JARID2: variants seen among roughly 807,000 people sequenced by gnomAD.
JARID2 encodes the protein protein Jumonji.
A neutral mutation model predicts 125.6 loss-of-function variants in JARID2; 21 were observed. That is an observed-to-expected ratio of 0.17 (90% CI 0.12 to 0.24). The LOEUF is 0.24. JARID2 is among the 10% of genes least tolerant of loss of function. The probability of loss-of-function intolerance (pLI) is 1.00; values close to 1 mark genes in which losing one functional copy is unlikely to be tolerated. For missense variants in JARID2, 1,303 were observed against 1,639.6 expected (o/e 0.79, Z 3.55); for synonymous variants, 736 against 661.6 (o/e 1.11, Z -1.73).
At position 15,511,286 on chromosome 6, in the gene JARID2, A is replaced by T. The variant is rs746857106; in HGVS notation, c.2847-10A>T. 24 of 1,596,636 alleles carry T rather than the reference A, an allele frequency of 1.5e-5. No individual in the cohort carries two copies. Among genetic ancestry groups the T allele is most frequent in the African/African-American group, 1.3e-5 (1 of 74,520 alleles). On this transcript the variant is annotated splice_polypyrimidine_tract_variant and intron_variant, in intron 12 of 17. Transcript: ENST00000341776. ...TCTCTGCTTGTCTCTTGTGTCTCTC[A>T]ATGACCCAGGTATTGCATTCCTGCT...
intron 3 of JARID2, among the ~76,000 whole-genome samples, chr6:15,419,139 A>G (rs1766371331): frequency 6.6e-6 from 1 of 152,236 alleles, no homozygotes; most frequent in Non-Finnish European, 1.5e-5. Flanking sequence ...AAGCAAAACA[A>G]TCAGCAAAAG....
At chr6:15,351,805 T>A (rs1311157358) in intron 1 of JARID2, among the ~76,000 whole-genome samples, 1 of 152,140 alleles carries the variant, frequency 6.6e-6, no homozygotes, top group African/African-American at 2.4e-5. Flanking sequence ...TGTAGCTGCT[T>A]CCCTTGGCAG....
intron 5 of JARID2, among the ~76,000 whole-genome samples, chr6:15,471,783 T>C (rs1769089034): frequency 6.6e-6 from 1 of 152,066 alleles, no homozygotes; most frequent in South Asian, 2.1e-4. Context: ...ATGGAGCATA[T>C]GAAAGAAGGG....
chr6:15,287,023 G>C (rs553837282), intron 1 of JARID2, among the ~76,000 whole-genome samples: 4 of 152,230 alleles, frequency 2.6e-5, no homozygotes, highest in African/African-American at 9.6e-5. Flanking sequence ...GCTGAGGCAG[G>C]ATAATCTTGA....
At chr6:15,518,315 C>T (rs1430246751) in intron 17 of JARID2, among the ~76,000 whole-genome samples, 6 of 152,272 alleles carry the variant, frequency 3.9e-5, no homozygotes, top group East Asian at 1.9e-4. Flanking sequence ...TTTCTGTAGT[C>T]GGATGTGTGA....
intron 5 of JARID2, among the ~76,000 whole-genome samples, chr6:15,470,819 C>T (rs577576355): frequency 5.9e-5 from 9 of 152,266 alleles, no homozygotes; most frequent in African/African-American, 2.2e-4. Context: ...GCAAACAGAG[C>T]GATGCGGAAT....
At chr6:15,357,495 G>A (rs902408771) in intron 1 of JARID2, among the ~76,000 whole-genome samples, 4 of 152,066 alleles carry the variant, frequency 2.6e-5, no homozygotes, top group Non-Finnish European at 4.4e-5. Flanking sequence ...TCTAGTGTGG[G>A]TCTAGATGGA....
intron 8 of JARID2, among the ~76,000 whole-genome samples, chr6:15,502,428 C>T (rs1476685459): frequency 6.6e-6 from 1 of 152,220 alleles, no homozygotes; most frequent in African/African-American, 2.4e-5. Context: ...GTTCTCTGCT[C>T]CAGCCCTCGT....
At chr6:15,381,223 G>GT (rs1050351366) in intron 2 of JARID2, among the ~76,000 whole-genome samples, 3 of 151,420 alleles carry the variant, frequency 2.0e-5, no homozygotes, top group African/African-American at 7.3e-5. Context: ...GCCGGGCGTG[G>GT]TGGCGGGTGC....
At position 15,511,284 on chromosome 6, in the gene JARID2, T is replaced by A. The variant is rs1168030260; in HGVS notation, c.2847-12T>A. 6.3e-7 allele frequency: 1 copy of A among 1,592,922 alleles called. No homozygotes were observed. The highest frequency in any genetic ancestry group is 2.2e-5 in the East Asian group (1 of 44,790). On this transcript the variant is annotated splice_polypyrimidine_tract_variant and intron_variant, in intron 12 of 17. Coordinates refer to ENST00000341776, the MANE Select transcript of JARID2 (RefSeq NM_004973.4). The stretch of plus-strand genomic sequence containing the variant: ...AGTCTCTGCTTGTCTCTTGTGTCTC[T>A]CAATGACCCAGGTATTGCATTCCTG...
At chr6:15,480,445 T>C (rs1172312673) in intron 5 of JARID2, among the ~76,000 whole-genome samples, 1 of 152,170 alleles carries the variant, frequency 6.6e-6, no homozygotes. Context: ...CATCTAATAA[T>C]CTAATAATAC....
chr6:15,469,075 G>A (rs1321865662), intron 5 of JARID2, among the ~76,000 whole-genome samples: 1 of 151,868 alleles, frequency 6.6e-6, no homozygotes, highest in African/African-American at 2.4e-5. Flanking sequence ...AGGTGGATAT[G>A]GTATAGGAAG....
intron 1 of JARID2, among the ~76,000 whole-genome samples, chr6:15,331,613 C>G (rs1367159188): frequency 6.6e-6 from 1 of 152,020 alleles, no homozygotes; most frequent in Non-Finnish European, 1.5e-5. Flanking sequence ...CGTCTGTAAT[C>G]CCAGCACTTT....
At chr6:15,445,892 A>G (rs150700200) in intron 3 of JARID2, among the ~76,000 whole-genome samples, 89 of 152,268 alleles carry the variant, frequency 5.8e-4, no homozygotes, top group African/African-American at 2.0e-3. Context: ...GTTTTCAAAT[A>G]TCAGCCTCTA....
chr6:15,353,080 T>G (rs1763484203), intron 1 of JARID2, among the ~76,000 whole-genome samples: 1 of 152,246 alleles, frequency 6.6e-6, no homozygotes, highest in South Asian at 2.1e-4. Context: ...ATTGAATTTC[T>G]GGGTCACATG....
intron 1 of JARID2, among the ~76,000 whole-genome samples, chr6:15,284,485 G>A (rs1262889002): frequency 6.6e-6 from 1 of 151,448 alleles, no homozygotes; most frequent in Non-Finnish European, 1.5e-5. Context: ...AAAAATCTAG[G>A]TAAATTCCCT....
At chr6:15,278,171 G>A (rs1760606952) in intron 1 of JARID2, among the ~76,000 whole-genome samples, 1 of 151,158 alleles carries the variant, frequency 6.6e-6, no homozygotes, top group African/African-American at 2.4e-5. Flanking sequence ...GGTGGAGGTT[G>A]CGGTGAGCTG....
chr6:15,275,521 A>ACCCCCC (rs1228449106), intron 1 of JARID2, among the ~76,000 whole-genome samples: 3 of 12,622 alleles, frequency 2.4e-4, no homozygotes, highest in Admixed American at 9.7e-4. Flanking sequence ...AAGTCCATTT[A>ACCCCCC]CCGCCCCCCC....
intron 1 of JARID2, among the ~76,000 whole-genome samples, chr6:15,334,254 A>G (rs1308441247): frequency 6.6e-6 from 1 of 152,246 alleles, no homozygotes; most frequent in Non-Finnish European, 1.5e-5. Flanking sequence ...AGTGTGCTGC[A>G]TAATGGAATA....
Sources: allele counts gnomAD v4.1 joint callset (sites outside exome capture counted in the v4.1 genomes callset), GRCh38; gene constraint gnomAD v4.1.1; transcripts MANE v1.5; gene names NCBI Gene and HGNC (gene_info 2026-07-23, HGNC 2026-07-21).